Variants in AHCTF1 observed in about 807,000 individuals in gnomAD.
The protein encoded by AHCTF1 is protein ELYS.
A neutral mutation model predicts 248.4 loss-of-function variants in AHCTF1; 24 were observed. That is an observed-to-expected ratio of 0.10 (90% confidence interval 0.07 to 0.14). AHCTF1 has a LOEUF of 0.14. AHCTF1 is among the 10% of genes least tolerant of loss of function. AHCTF1 has a pLI of 1.00. For synonymous variants in AHCTF1, 786 were observed against 929.8 expected, an observed-to-expected ratio of 0.85 and a Z score of 2.81; for missense variants, 2,206 against 2,636.2, an observed-to-expected ratio of 0.84 and a Z score of 3.57.
intron 21 of AHCTF1, 81 bp from the exon 22 acceptor site, chr1:246,877,383 C>A (rs1263333628): frequency 1.4e-6 from 2 of 1,393,086 alleles, no homozygotes; most frequent in African/African-American, 2.9e-5. Flanking sequence ...TGTAGAATTT[C>A]AAAGATACTT....
At chr1:246,881,065 C>A (rs1474335941) in intron 21 of AHCTF1, among the ~76,000 whole-genome samples, 1 of 151,978 alleles carries the variant, frequency 6.6e-6, no homozygotes, top group Non-Finnish European at 1.5e-5. Flanking sequence ...ACGGTGGAGA[C>A]CACAATACAA....
At chr1:246,866,763 G>C (rs898766861) in intron 26 of AHCTF1, among the ~76,000 whole-genome samples, 3 of 152,034 alleles carry the variant, frequency 2.0e-5, no homozygotes, top group Admixed American at 2.0e-4. Flanking sequence ...ACCAATGCTC[G>C]TAAGTAAATA....
Position 246,853,293 on chromosome 1 carries a change from G to A in AHCTF1, c.4361C>T (p.Ala1454Val). 1 of 1,603,594 alleles carries A rather than the reference G, an allele frequency of 6.2e-7. No individual in the cohort carries two copies. The highest frequency in any genetic ancestry group is 1.3e-5 in the African/African-American group (1 of 74,582). ...GTTTCCACCATCACCAAGGACATCAGCCATAGCTGAAAGAAAAATGAGTGA... is the reference window on the plus strand; with the variant it reads ...GTTTCCACCATCACCAAGGACATCAACCATAGCTGAAAGAAAAATGAGTGA... ...AIRANDNKSM[A>V]DVLGDGGNSS... The change falls in exon 32 of 36, where the codon GCT becomes GTT. Residue 1454 changes from alanine (A) to valine (V), a missense_variant. By Grantham distance (64) the Ala-to-Val change is moderately conservative. Transcript: ENST00000648844.
chr1:246,931,335 C>A (rs577891160), intron 1 of AHCTF1: 4 of 1,545,018 alleles, frequency 2.6e-6, no homozygotes, highest in Admixed American at 3.9e-5. Flanking sequence ...CATGTGCCGC[C>A]GCTCCTCCGG....
chr1:246,879,316 G>A (rs1663223159), intron 21 of AHCTF1, among the ~76,000 whole-genome samples: 1 of 152,144 alleles, frequency 6.6e-6, no homozygotes. Context: ...ATAGCATACG[G>A]TAATTGAGAG....
Position 246,857,708 on chromosome 1 carries a change from T to C in AHCTF1, c.4239A>G (p.Ala1413=). The part of the protein sequence containing the change: ...PVQGTEASLC[A]PSVYEGKIFT... ...TAACTTACCCTTCATAGACTGATGG[T>C]GCACAAAGAGAAGCTTCAGTTCCTT... Residue 1413 remains alanine, a synonymous_variant, in exon 30 of 36, where the codon GCA becomes GCG. Coordinates refer to ENST00000648844, the MANE Select transcript of AHCTF1 (RefSeq NM_001323342.2). 6.2e-7 allele frequency: 1 copy of C among 1,613,188 alleles called. No individual in the cohort carries two copies. Among genetic ancestry groups the C allele is most frequent in the Non-Finnish European group, 8.5e-7 (1 of 1,179,930 alleles).
intron 6 of AHCTF1, 25 bp downstream of exon 6, chr1:246,905,516 A>G (rs781137876): frequency 3.8e-6 from 6 of 1,586,344 alleles, no homozygotes; most frequent in Non-Finnish European, 5.2e-6. Context: ...AAAACAAAAC[A>G]AAACAAAGTT....
Position 246,900,129 on chromosome 1 carries a change from A to C in AHCTF1, c.1368T>G (p.Asn456Lys). 1 of 1,609,174 alleles carries C rather than the reference A, an allele frequency of 6.2e-7. No individual in the cohort carries two copies. Among genetic ancestry groups the C allele is most frequent in the Non-Finnish European group, 8.5e-7 (1 of 1,179,178 alleles). ...GTGGATATGAAGGAGGGACTCCTCT[A>C]TTTAAACTTCTCTCATGTACTAATA... ...LDILVHERSL[N>K]RGVPPSYPPP... is the part of the protein sequence containing the mutation. Residue 456 changes from asparagine to lysine, a missense_variant, in exon 10 of 36, where the codon AAT becomes AAG. Coordinates refer to ENST00000648844, the MANE Select transcript of AHCTF1 (RefSeq NM_001323342.2).
intron 7 of AHCTF1, among the ~76,000 whole-genome samples, chr1:246,903,239 C>T (rs968072181): frequency 6.6e-5 from 10 of 152,168 alleles, no homozygotes; most frequent in Admixed American, 2.0e-4. Flanking sequence ...AGCACCCCTC[C>T]GATCTCCTCA....
At chr1:246,928,967 CCTT>C (rs1667136996) in intron 1 of AHCTF1, among the ~76,000 whole-genome samples, 1 of 152,144 alleles carries the variant, frequency 6.6e-6, no homozygotes, top group Non-Finnish European at 1.5e-5. Context: ...AAGAAGATAA[CCTT>C]CTTCCTGACT....
rs539356998 is a variant in AHCTF1 at position 246,897,912 on chromosome 1, G to A, written c.1623+296C>T. Among the ~76,000 whole-genome samples the A allele has an allele frequency of 1.2e-4, 10 of 80,794 alleles. No individual in the cohort carries two copies. The South Asian group carries it at 4.2e-3, about 34-fold the overall frequency. 53.0% of individuals were successfully genotyped at this position (80,794 alleles called of 152,430 possible). ...GAAGATCGCTTAAGCCCAAGAGGTTGAGGCTACAGTGAGCCATGACCATGC... is the reference window on the plus strand; with the variant it reads ...GAAGATCGCTTAAGCCCAAGAGGTTAAGGCTACAGTGAGCCATGACCATGC... On this transcript the variant is annotated intron_variant, in intron 12 of 35. Transcript: ENST00000648844.
At chr1:246,909,758 T>C (rs1428686695) in intron 4 of AHCTF1, among the ~76,000 whole-genome samples, 1 of 152,212 alleles carries the variant, frequency 6.6e-6, no homozygotes, top group African/African-American at 2.4e-5. Context: ...CGGCATCCAC[T>C]GGGGTTCTTG....
intron 6 of AHCTF1, 68 bp downstream of exon 6, chr1:246,905,473 G>T: frequency 7.6e-7 from 1 of 1,312,288 alleles, no homozygotes; most frequent in South Asian, 1.2e-5. Flanking sequence ...CTCCAGCCTG[G>T]ACAACAGAGC....
intron 21 of AHCTF1, among the ~76,000 whole-genome samples, chr1:246,881,870 AAAG>A (rs1233230220): frequency 7.3e-4 from 110 of 151,652 alleles, no homozygotes; most frequent in African/African-American, 2.2e-3. Context: ...AACAAAAAAA[AAAG>A]AAGAAGGGTC....
intron 33 of AHCTF1, among the ~76,000 whole-genome samples, chr1:246,845,295 C>A (rs929850916): frequency 6.7e-6 from 1 of 149,798 alleles, no homozygotes; most frequent in African/African-American, 2.5e-5. Flanking sequence ...TCTGTGGGTA[C>A]ACAGTAGGTG....
chr1:246,922,612 T>C (rs954325938), intron 1 of AHCTF1, among the ~76,000 whole-genome samples: 5 of 151,776 alleles, frequency 3.3e-5, no homozygotes, highest in African/African-American at 1.2e-4. Flanking sequence ...CATGATGGTC[T>C]TGAACTCCTG....
In AHCTF1 at chr1:246,898,299, T is replaced by C. The variant is rs369072844; in HGVS notation, c.1532A>G (p.Asn511Ser). 22 of 1,613,156 alleles carry C rather than the reference T, an allele frequency of 1.4e-5. No individual in the cohort carries two copies. Among genetic ancestry groups the C allele is most frequent in the East Asian group, 2.2e-5 (1 of 44,870 alleles). The part of the protein sequence containing the change: ...TFLKKSGPSL[N>S]ELIPDGYNRC... The stretch of plus-strand genomic sequence containing the variant: ...ATTATAACCATCAGGAATGAGTTCA[T>C]TGAGTGATGGACCTGATTTCTTTAA... The change falls in exon 12 of 36, where the codon AAT (asparagine) becomes AGT (serine). Residue 511 changes from asparagine to serine, a missense_variant. Around this residue, in one of 6 missense-constraint regions of AHCTF1, gnomAD observed 650 missense variants for 870.8 expected, o/e 0.75. Transcript: ENST00000648844.
At chr1:246,841,030 A>G in intron 35 of AHCTF1, 32 bp from the exon 36 acceptor site, 1 of 1,558,754 alleles carries the variant, frequency 6.4e-7, no homozygotes, top group Non-Finnish European at 8.7e-7. Flanking sequence ...AAGTAAGAAT[A>G]AACACATTAT....
In AHCTF1 at chr1:246,850,583, G is replaced by A. The variant is rs747596138; in HGVS notation, c.5423C>T (p.Thr1808Met). 42 of 1,612,492 alleles carry A rather than the reference G, an allele frequency of 2.6e-5. No homozygotes were observed. Among genetic ancestry groups the A allele is most frequent in the South Asian group, 7.7e-5 (7 of 90,904 alleles). Residue 1808 changes from threonine to methionine, a missense_variant, in exon 33 of 36, where the codon ACG becomes ATG. Physicochemically the swap from Thr to Met is moderately conservative, Grantham distance 81. Around this residue, in one of 6 missense-constraint regions of AHCTF1, gnomAD observed 955 missense variants for 1,055.6 expected, o/e 0.90. Transcript: ENST00000648844. ...QNQQIPQNSV[T>M]PRRGRRKKEV... is the part of the protein sequence containing the mutation. ...TTTCTTTCTCCTTCCTCTCCTAGGC[G>A]TAACAGAATTTTGAGGTATTTGCTG...
Sources: gnomAD v4.1 joint callset for allele counts (sites outside exome capture counted in the v4.1 genomes callset) on GRCh38, gnomAD v4.1.1 for gene constraint, gnomAD v4.1.1 regional missense constraint, MANE v1.5 for transcripts, NCBI Gene and HGNC (gene_info 2026-07-23, HGNC 2026-07-21) for gene names.